The following HMBOX1 variants were observed in gnomAD, a reference collection of about 807,000 sequenced individuals.
HMBOX1 encodes the protein homeobox containing 1, also known as homeobox-containing protein 1.
HMBOX1 carries 14 observed loss-of-function variants against 54.5 expected under a neutral mutation model. The observed-to-expected ratio is 0.26, with a 90% confidence interval of 0.17 to 0.40. HMBOX1 has a LOEUF of 0.40. Among genes scored for constraint, HMBOX1 ranks in the 10% least tolerant of loss-of-function variants. The pLI is 1.00. For missense variants in HMBOX1, 332 were observed against 514.4 expected, an observed-to-expected ratio of 0.65 and a Z score of 3.43; for synonymous variants, 160 against 181.0, an observed-to-expected ratio of 0.88 and a Z score of 0.93.
At chr8:28,911,682 C>T (rs1188213145) in intron 1 of HMBOX1, among the ~76,000 whole-genome samples, 1 of 152,086 alleles carries the variant, frequency 6.6e-6, no homozygotes, top group Non-Finnish European at 1.5e-5. Flanking sequence ...TGCTGCTGCT[C>T]CTAAAACTTG....
chr8:28,917,066 C>CAA (rs35179018), intron 1 of HMBOX1, among the ~76,000 whole-genome samples: 174 of 70,912 alleles, frequency 2.5e-3, no homozygotes, highest in East Asian at 6.8e-3. Flanking sequence ...GACCCTGTCT[C>CAA]AAAAAAAAAA....
chr8:29,038,067 C>T (rs952504176), intron 6 of HMBOX1, among the ~76,000 whole-genome samples: 1 of 152,158 alleles, frequency 6.6e-6, no homozygotes, highest in Non-Finnish European at 1.5e-5. Flanking sequence ...GGCATTATCC[C>T]TTGCTTGGAG....
intron 1 of HMBOX1, among the ~76,000 whole-genome samples, chr8:28,924,264 G>A (rs1349124013): frequency 6.6e-6 from 1 of 151,440 alleles, no homozygotes; most frequent in African/African-American, 2.4e-5. Flanking sequence ...CCGCCACCAC[G>A]TCTGGCTAAT....
In HMBOX1 at chr8:28,956,636, A is replaced by G. The variant is rs150121077; in HGVS notation, c.-57-7175A>G. On this transcript the variant is annotated intron_variant, in intron 1 of 9. Coordinates refer to ENST00000287701, the MANE Select transcript of HMBOX1 (RefSeq NM_001135726.3). ...CATTGTGCCATATGTGCTGTAATCT[A>G]TAATTAAGATCTTTATTCTGTCCTG... 6.6e-3 allele frequency among the ~76,000 whole-genome samples: 998 copies of G among 152,296 alleles called. 14 individuals are homozygous for G. Among genetic ancestry groups the G allele is most frequent in the African/African-American group, 0.023 (937 of 41,552 alleles).
Position 29,051,260 on chromosome 8 carries a change from T to C in HMBOX1, c.*105T>C. On this transcript the variant is annotated 3_prime_UTR_variant, in exon 10 of 10. Coordinates refer to ENST00000287701, the MANE Select transcript of HMBOX1 (RefSeq NM_001135726.3). ...TCTTACAGTATAACTTGCAGTTTCT[T>C]GTATGTCAGGTAGCTGTTAGGGTCT... The C allele has an allele frequency of 7.9e-7, 1 of 1,269,496 alleles. No homozygotes were observed. Among genetic ancestry groups the C allele is most frequent in the Non-Finnish European group, 1.1e-6 (1 of 905,210 alleles). 78.6% of individuals were successfully genotyped at this position (1,269,496 alleles called of 1,614,324 possible). A position where few individuals can be genotyped will look rare whatever the true frequency, so the allele number is the denominator to read the frequency against.
At chr8:28,890,705 C>G (rs1810712011) in intron 1 of HMBOX1, 27 bp downstream of exon 1, 1 of 152,738 alleles carries the variant, frequency 6.5e-6, no homozygotes. Flanking sequence ...TGAAGCCGGA[C>G]TACCTCAAGT....
At chr8:28,935,978 T>C (rs1253962887) in intron 1 of HMBOX1, among the ~76,000 whole-genome samples, 1 of 152,078 alleles carries the variant, frequency 6.6e-6, no homozygotes, top group Admixed American at 6.5e-5. Context: ...TAGAATTACA[T>C]TGAGGGTCAA....
chr8:29,029,982 T>C (rs1802671333), intron 6 of HMBOX1, among the ~76,000 whole-genome samples: 1 of 152,008 alleles, frequency 6.6e-6, no homozygotes, highest in African/African-American at 2.4e-5. Context: ...TTTCTGTATC[T>C]TCCTCTTCCT....
chr8:29,036,964 A>G (rs1230108984), intron 6 of HMBOX1, among the ~76,000 whole-genome samples: 1 of 152,204 alleles, frequency 6.6e-6, no homozygotes, highest in Non-Finnish European at 1.5e-5. Flanking sequence ...ATGCGATTCC[A>G]TAGGCATTTG....
At chr8:28,927,128 G>C (rs1327699451) in intron 1 of HMBOX1, among the ~76,000 whole-genome samples, 1 of 152,110 alleles carries the variant, frequency 6.6e-6, no homozygotes, top group African/African-American at 2.4e-5. Context: ...TTTAAAATAA[G>C]AGTATAATCA....
intron 1 of HMBOX1, among the ~76,000 whole-genome samples, chr8:28,944,268 A>G (rs1328941974): frequency 1.3e-5 from 2 of 152,224 alleles, no homozygotes; most frequent in Non-Finnish European, 2.9e-5. Flanking sequence ...TATGAATCCA[A>G]CAAGCATTTT....
chr8:29,008,032 G>C (rs1210373507), intron 4 of HMBOX1, among the ~76,000 whole-genome samples: 2 of 152,014 alleles, frequency 1.3e-5, no homozygotes, highest in South Asian at 2.1e-4. Flanking sequence ...TCTTCCTATT[G>C]GGCATTATAC....
At chr8:28,991,487 C>G (rs750216293) in intron 4 of HMBOX1, among the ~76,000 whole-genome samples, 17 of 152,188 alleles carry the variant, frequency 1.1e-4, no homozygotes, top group Non-Finnish European at 2.2e-4. Flanking sequence ...ATCTCCCAAA[C>G]AGATTCATGA....
intron 4 of HMBOX1, among the ~76,000 whole-genome samples, chr8:29,008,060 C>T (rs149577132): frequency 6.6e-5 from 10 of 152,180 alleles, no homozygotes; most frequent in African/African-American, 2.2e-4. Flanking sequence ...CGGGACGAGT[C>T]GACACAGGTG....
rs1247499083 is a variant in HMBOX1 at position 29,009,202 on chromosome 8, A to C, written c.697+20A>C. 6.5e-7 allele frequency: 1 copy of C among 1,547,388 alleles called. No individual in the cohort carries two copies. The highest frequency in any genetic ancestry group is 1.1e-5 in the South Asian group (1 of 89,514). On this transcript the variant is annotated intron_variant, in intron 5 of 9. Coordinates refer to ENST00000287701, the MANE Select transcript of HMBOX1 (RefSeq NM_001135726.3). ...ACCCTGGTAAATAGCATTTCCTTTT[A>C]TTTATTGCATCTGAAACAAGACAGA...
chr8:28,939,331 C>CT (rs1398976502), intron 1 of HMBOX1, among the ~76,000 whole-genome samples: 1 of 151,578 alleles, frequency 6.6e-6, no homozygotes, highest in East Asian at 1.9e-4. Flanking sequence ...AACATGATAT[C>CT]ACCCTCTAGA....
intron 1 of HMBOX1, among the ~76,000 whole-genome samples, chr8:28,920,260 TATCAA>T (rs1424672033): frequency 2.6e-4 from 39 of 152,328 alleles, no homozygotes; most frequent in Non-Finnish European, 2.9e-5. Flanking sequence ...TTAACTAATT[TATCAA>T]ATCACTATTG....
rs145788369 is a variant in HMBOX1 at position 28,992,602 on chromosome 8, G to T, written c.586+12446G>T. On this transcript the variant is annotated intron_variant, in intron 4 of 9. Transcript: ENST00000287701. The stretch of plus-strand genomic sequence containing the variant: ...GTATACAATGCTGGCTGGGCGCGGT[G>T]GCTCATGCCTGTAATCCCAGCACTC... Among the ~76,000 whole-genome samples, 494 of 152,104 alleles carry T rather than the reference G, an allele frequency of 3.2e-3. 3 individuals are homozygous for T. The highest frequency in any genetic ancestry group is 0.011 in the African/African-American group (468 of 41,478).
intron 5 of HMBOX1, chr8:29,009,740 AATCTT>A (rs1833987295): frequency 7.8e-7 from 1 of 1,286,152 alleles, no homozygotes; most frequent in Non-Finnish European, 1.0e-6. Flanking sequence ...AGCAGAATGA[AATCTT>A]AAGAAAACTA....
Sources: allele counts gnomAD v4.1 joint callset (sites outside exome capture counted in the v4.1 genomes callset), GRCh38; gene constraint gnomAD v4.1.1; transcripts MANE v1.5; gene names NCBI Gene and HGNC (gene_info 2026-07-23, HGNC 2026-07-21).